CCDC171: variants seen among roughly 807,000 people sequenced by gnomAD.
CCDC171 encodes the protein coiled-coil domain containing 171, also known as coiled-coil domain-containing protein 171.
Under a neutral mutation model 168.2 loss-of-function variants are expected in CCDC171, and 177 were observed. The ratio of observed to expected loss-of-function variants is 1.05; its 90% CI spans 0.93 to 1.19. CCDC171 has a LOEUF of 1.19. Among genes scored for constraint, CCDC171 ranks in the 50% most tolerant of loss-of-function variants. The pLI is 0.00. For missense variants in CCDC171, 1,991 were observed against 1,539.0 expected, an observed-to-expected ratio of 1.29 and a Z score of -4.91; for synonymous variants, 687 against 540.8, an observed-to-expected ratio of 1.27 and a Z score of -3.75.
the CCDC171 span, among the ~76,000 whole-genome samples, chr9:16,079,277 A>C: frequency 6.6e-6 from 1 of 152,192 alleles, no homozygotes; most frequent in African/African-American, 2.4e-5. Flanking sequence ...ATCCATCCCC[A>C]GCTCCAATTC....
intron 9 of CCDC171, among the ~76,000 whole-genome samples, chr9:15,675,148 T>G (rs1418575567): frequency 2.6e-5 from 4 of 151,658 alleles, no homozygotes; most frequent in Non-Finnish European, 5.9e-5. Flanking sequence ...CTTTGTCAGT[T>G]TAAAGTCTGT....
At chr9:15,606,789 A>G (rs2043260381) in intron 6 of CCDC171, among the ~76,000 whole-genome samples, 1 of 152,188 alleles carries the variant, frequency 6.6e-6, no homozygotes, top group South Asian at 2.1e-4. Flanking sequence ...TGTGATATTA[A>G]ATGTCAGTTC....
chr9:15,788,324 A>G (rs910684241), intron 21 of CCDC171, among the ~76,000 whole-genome samples: 4 of 152,234 alleles, frequency 2.6e-5, no homozygotes, highest in Non-Finnish European at 5.9e-5. Flanking sequence ...GAATGAATTA[A>G]GATTCTATTT....
chr9:15,729,252 A>G (rs2054008522), intron 15 of CCDC171, among the ~76,000 whole-genome samples: 1 of 152,148 alleles, frequency 6.6e-6, no homozygotes, highest in African/African-American at 2.4e-5. Context: ...AGATTTTTAA[A>G]TCTTACTTAC....
Position 15,579,030 on chromosome 9 carries a change from C to T in CCDC171, c.352+7C>T, listed in dbSNP as rs764558308. 16 of 1,610,686 alleles carry T rather than the reference C, an allele frequency of 9.9e-6. No homozygotes were observed. The highest frequency in any genetic ancestry group is 1.3e-5 in the Non-Finnish European group (15 of 1,177,956). On this transcript the variant is annotated splice_region_variant and intron_variant, in intron 4 of 25. Coordinates refer to ENST00000380701, the MANE Select transcript of CCDC171 (RefSeq NM_173550.4). Reference sequence around the variant, plus strand: ...ATCCAAGAAAAACTCTGTGGTAAGACTGTTTCTATTTCTTCCCAAGTTTAG... The same window carrying T: ...ATCCAAGAAAAACTCTGTGGTAAGATTGTTTCTATTTCTTCCCAAGTTTAG...
At chr9:15,876,385 A>G (rs1047066520) in intron 24 of CCDC171, among the ~76,000 whole-genome samples, 2 of 152,114 alleles carry the variant, frequency 1.3e-5, no homozygotes, top group Non-Finnish European at 2.9e-5. Flanking sequence ...CTCTTTGAAT[A>G]TATCATCTTA....
intron 3 of CCDC171, among the ~76,000 whole-genome samples, chr9:15,995,241 A>G (rs932125377): frequency 2.6e-5 from 4 of 152,240 alleles, no homozygotes; most frequent in African/African-American, 9.6e-5. Flanking sequence ...AACAGGATTA[A>G]TGAGAATTTC....
chr9:15,737,381 G>A (rs1432542125), intron 16 of CCDC171, among the ~76,000 whole-genome samples: 2 of 152,140 alleles, frequency 1.3e-5, no homozygotes, highest in African/African-American at 2.4e-5. Flanking sequence ...TTTAGAAGAG[G>A]AGATAGATGG....
Position 15,820,501 on chromosome 9 carries a change from G to T in CCDC171, c.3268-26201G>T, listed in dbSNP as rs1441080701. Among the ~76,000 whole-genome samples the T allele has an allele frequency of 1.7e-5, 2 of 115,800 alleles. 1 individual carries two copies. The highest frequency in any genetic ancestry group is 1.6e-4 in the Admixed American group (2 of 12,242). 76.0% of individuals were successfully genotyped at this position (115,800 alleles called of 152,430 possible). A position where few individuals can be genotyped will look rare whatever the true frequency, so the allele number is the denominator to read the frequency against. On this transcript the variant is annotated intron_variant, in intron 21 of 25. Coordinates refer to ENST00000380701, the MANE Select transcript of CCDC171 (RefSeq NM_173550.4). ...ATAGATGCAATAAAAAATGATAAAG[G>T]GGATATCACCACCGATCCCACAGAA...
chr9:16,029,290 A>T (rs894390122), intron 6 of CCDC171, among the ~76,000 whole-genome samples: 14 of 134,142 alleles, frequency 1.0e-4, no homozygotes, highest in Non-Finnish European at 1.5e-4. Flanking sequence ...TGCCCACAAA[A>T]ATTCTGGTTT....
At chr9:15,845,822 T>C (rs926911377) in intron 21 of CCDC171, 1 of 152,086 alleles carries the variant, frequency 6.6e-6, no homozygotes, top group Non-Finnish European at 1.5e-5. Context: ...AGCGATCCTC[T>C]GATCCCTGTA....
chr9:15,809,649 C>T (rs1196238285), intron 21 of CCDC171, among the ~76,000 whole-genome samples: 4 of 152,018 alleles, frequency 2.6e-5, no homozygotes, highest in Non-Finnish European at 2.9e-5. Flanking sequence ...GTTCATTCCT[C>T]CTGGTGGCTT....
rs558541285 is a variant in CCDC171 at position 15,936,134 on chromosome 9, A to T, written c.3753+15712A>T. 9.2e-5 allele frequency among the ~76,000 whole-genome samples: 14 copies of T among 152,032 alleles called. No homozygotes were observed. In the South Asian group the frequency reaches 2.7e-3, roughly 29 times the overall value. On this transcript the variant is annotated intron_variant, in intron 25 of 25. Coordinates refer to ENST00000380701, the MANE Select transcript of CCDC171 (RefSeq NM_173550.4). ...CACAAGACTAGTGTTCCAGTGGAGG[A>T]CTATGCTTTGCAGCACTGTTATATA...
At chr9:15,641,493 A>G (rs930522065) in intron 7 of CCDC171, among the ~76,000 whole-genome samples, 1 of 152,190 alleles carries the variant, frequency 6.6e-6, no homozygotes, top group African/African-American at 2.4e-5. Context: ...AAACTTTTGG[A>G]AGAGGCCCAT....
chr9:15,692,374 A>G (rs2050865677), intron 10 of CCDC171, among the ~76,000 whole-genome samples: 2 of 152,094 alleles, frequency 1.3e-5, no homozygotes, highest in African/African-American at 4.8e-5. Flanking sequence ...CTTCAAAAAA[A>G]AAAAAGACAA....
At chr9:15,576,812 A>T (rs1011794992) in intron 3 of CCDC171, among the ~76,000 whole-genome samples, 4 of 152,148 alleles carry the variant, frequency 2.6e-5, no homozygotes, top group African/African-American at 7.2e-5. Context: ...CCTGGAGCAG[A>T]CTGCATTTTT....
intron 24 of CCDC171, among the ~76,000 whole-genome samples, chr9:15,883,633 G>A (rs770206): frequency 0.87 from 132,147 of 152,214 alleles, 57,409 homozygotes; most frequent in East Asian, 0.96. Context: ...GACATTTAAG[G>A]GCAAGTAATT....
Position 15,743,208 on chromosome 9 carries a change from C to G in CCDC171, c.2050-1065C>G, listed in dbSNP as rs542919280. 5.5e-5 allele frequency among the ~76,000 whole-genome samples: 7 copies of G among 127,824 alleles called. No homozygotes were observed. In the East Asian group the frequency reaches 1.8e-3, roughly 33 times the overall value. The allele number at this position is 127,824 out of a possible 152,430, so 83.9% of individuals were successfully genotyped here. A position where few individuals can be genotyped will look rare whatever the true frequency, so the allele number is the denominator to read the frequency against. Reference sequence around the variant, plus strand: ...TGAGACAGCGTCTTGCCCTGTTACCCAGGCTGGAGTGCAGTGGCATAATCA... The same window carrying G: ...TGAGACAGCGTCTTGCCCTGTTACCGAGGCTGGAGTGCAGTGGCATAATCA... On this transcript the variant is annotated intron_variant, in intron 16 of 25. Coordinates refer to ENST00000380701, the MANE Select transcript of CCDC171 (RefSeq NM_173550.4).
intron 12 of CCDC171, 79 bp downstream of exon 12, chr9:15,721,954 C>A: frequency 1.7e-6 from 1 of 593,056 alleles, no homozygotes. Flanking sequence ...TTACAAAGGT[C>A]AAAAAGATTG....
Sources: gnomAD v4.1 joint callset for allele counts (sites outside exome capture counted in the v4.1 genomes callset) on GRCh38, gnomAD v4.1.1 for gene constraint, MANE v1.5 for transcripts, NCBI Gene and HGNC (gene_info 2026-07-23, HGNC 2026-07-21) for gene names.